GLIS3: variants seen among roughly 807,000 people sequenced by gnomAD.
The protein encoded by GLIS3 is GLIS family zinc finger 3, also known as zinc finger protein GLIS3.
GLIS3 carries 53 observed loss-of-function variants against 78.6 expected under a neutral mutation model. The observed-to-expected ratio is 0.67, with a 90% CI of 0.54 to 0.85. The LOEUF is 0.85. Ranked by LOEUF, GLIS3 falls within the 40% of genes least tolerant of loss-of-function variation. The probability of loss-of-function intolerance (pLI) is 0.00; values close to 1 mark genes in which losing one functional copy is unlikely to be tolerated. For synonymous variants in GLIS3, 684 were observed against 509.9 expected, an observed-to-expected ratio of 1.34 and a Z score of -4.60; for missense variants, 1,703 against 1,231.1, an observed-to-expected ratio of 1.38 and a Z score of -5.74.
chr9:4,135,605 T>C (rs1284557954), intron 2 of GLIS3, among the ~76,000 whole-genome samples: 3 of 152,186 alleles, frequency 2.0e-5, no homozygotes, highest in African/African-American at 7.2e-5. Context: ...AATATACATA[T>C]TCATTCTTAT....
chr9:3,878,108 G>C (rs181113810), intron 8 of GLIS3, among the ~76,000 whole-genome samples: 13 of 151,824 alleles, frequency 8.6e-5, no homozygotes, highest in African/African-American at 2.9e-4. Flanking sequence ...TGTTCTTCTT[G>C]CTGCCTGGGA....
At chr9:4,381,995 C>T in the GLIS3 span, among the ~76,000 whole-genome samples, 3 of 152,210 alleles carry the variant, frequency 2.0e-5, no homozygotes, top group Non-Finnish European at 4.4e-5. Context: ...TGCTCCTGGA[C>T]TTTGACAGCT....
chr9:4,014,218 G>A (rs1270443079), intron 4 of GLIS3, among the ~76,000 whole-genome samples: 1 of 152,090 alleles, frequency 6.6e-6, no homozygotes, highest in Non-Finnish European at 1.5e-5. Flanking sequence ...AGAGAATGGG[G>A]CCTTGAATAT....
intron 4 of GLIS3, among the ~76,000 whole-genome samples, chr9:4,049,164 G>C (rs779743350): frequency 6.6e-6 from 1 of 152,126 alleles, no homozygotes; most frequent in East Asian, 1.9e-4. Flanking sequence ...GCTGCACCTG[G>C]ATAGGAACTA....
chr9:4,209,163 C>A (rs1370570082), intron 2 of GLIS3, among the ~76,000 whole-genome samples: 1 of 152,162 alleles, frequency 6.6e-6, no homozygotes, highest in East Asian at 1.9e-4. Context: ...TGGAGACCCC[C>A]TGATCTAACC....
At chr9:4,351,540 A>G (rs552514324), upstream of GLIS3, among the ~76,000 whole-genome samples, 29 of 152,356 alleles carry the variant, frequency 1.9e-4, no homozygotes, top group African/African-American at 6.3e-4. Flanking sequence ...TTATTACTCA[A>G]TTTATCACAG....
At chr9:4,192,214 C>A (rs1818393259) in intron 2 of GLIS3, among the ~76,000 whole-genome samples, 1 of 152,150 alleles carries the variant, frequency 6.6e-6, no homozygotes, top group South Asian at 2.1e-4. Flanking sequence ...TAAGCCTTTA[C>A]CAGCATTCAG....
intron 4 of GLIS3, among the ~76,000 whole-genome samples, chr9:4,106,276 G>C (rs911195429): frequency 1.3e-5 from 2 of 152,130 alleles, no homozygotes; most frequent in African/African-American, 4.8e-5. Flanking sequence ...AAGCAGCTTT[G>C]TTTCTGTATA....
intron 2 of GLIS3, among the ~76,000 whole-genome samples, chr9:4,149,439 G>A (rs1394522037): frequency 6.6e-6 from 1 of 152,120 alleles, no homozygotes; most frequent in Non-Finnish European, 1.5e-5. Flanking sequence ...CCACATAACT[G>A]GACAAATACT....
At chr9:4,119,195 T>C (rs1831996284) in intron 3 of GLIS3, among the ~76,000 whole-genome samples, 1 of 152,158 alleles carries the variant, frequency 6.6e-6, no homozygotes, top group Non-Finnish European at 1.5e-5. Context: ...ACTTTTTCAA[T>C]ATGGGGGAAA....
chr9:3,833,484 C>T (rs1168108112), intron 9 of GLIS3, among the ~76,000 whole-genome samples: 3 of 152,134 alleles, frequency 2.0e-5, no homozygotes, highest in Non-Finnish European at 2.9e-5. Flanking sequence ...CACTACTTCT[C>T]GGACCCAAAG....
At chr9:4,345,140 A>T (rs1240167861) in intron 2 of GLIS3, among the ~76,000 whole-genome samples, 4 of 152,142 alleles carry the variant, frequency 2.6e-5, no homozygotes, top group African/African-American at 9.7e-5. Context: ...GAGTGCTTAC[A>T]AGATCCTACA....
intron 2 of GLIS3, among the ~76,000 whole-genome samples, chr9:4,237,804 G>A (rs1004332536): frequency 6.6e-6 from 1 of 152,108 alleles, no homozygotes; most frequent in Non-Finnish European, 1.5e-5. Context: ...CTCTCTTCCT[G>A]TTTTGGGACA....
At chr9:4,281,351 T>A (rs909673641) in intron 2 of GLIS3, among the ~76,000 whole-genome samples, 9 of 151,346 alleles carry the variant, frequency 5.9e-5, no homozygotes, top group African/African-American at 1.5e-4. Context: ...TACATTCACA[T>A]TATTGTGCAA....
chr9:3,903,039 T>C (rs983124402), intron 6 of GLIS3, among the ~76,000 whole-genome samples: 1 of 152,180 alleles, frequency 6.6e-6, no homozygotes, highest in African/African-American at 2.4e-5. Flanking sequence ...CAGGGATGAA[T>C]ATGTCATGTT....
intron 2 of GLIS3, among the ~76,000 whole-genome samples, chr9:4,215,887 T>C (rs368499495): frequency 6.6e-6 from 1 of 152,196 alleles, no homozygotes; most frequent in East Asian, 1.9e-4. Flanking sequence ...TTTTCAAAAA[T>C]GGTTCAAGCA....
the GLIS3 span, among the ~76,000 whole-genome samples, chr9:4,429,461 T>A: frequency 1.3e-5 from 2 of 152,170 alleles, no homozygotes; most frequent in African/African-American, 4.8e-5. Context: ...CCTCTTCAAC[T>A]GAACAATTTC....
chr9:3,864,189 G>C (rs1019486652), intron 8 of GLIS3, among the ~76,000 whole-genome samples: 15 of 152,292 alleles, frequency 9.8e-5, no homozygotes, highest in African/African-American at 3.4e-4. Context: ...GTTTCTCTGA[G>C]TGGGTCAGAG....
Position 4,266,590 on chromosome 9 carries a change from G to A in GLIS3, c.388+19448C>T, listed in dbSNP as rs550849071. Among the ~76,000 whole-genome samples, 748 of 96,312 alleles carry A rather than the reference G, an allele frequency of 7.8e-3. 4 individuals are homozygous for A. The highest frequency in any genetic ancestry group is 0.02 in the Admixed American group (154 of 7,780). 63.2% of individuals were successfully genotyped at this position (96,312 alleles called of 152,430 possible). A position where few individuals can be genotyped will look rare whatever the true frequency, so the allele number is the denominator to read the frequency against. The stretch of plus-strand genomic sequence containing the variant: ...AGGCCTACATTTTACACATGCATGC[G>A]CGTGTACACACACACACACACACAC... On this transcript the variant is annotated intron_variant, in intron 2 of 10. Coordinates refer to ENST00000381971, the MANE Select transcript of GLIS3 (RefSeq NM_001042413.2).
Sources: allele counts gnomAD v4.1 joint callset (sites outside exome capture counted in the v4.1 genomes callset), GRCh38; gene constraint gnomAD v4.1.1; transcripts MANE v1.5; gene names NCBI Gene and HGNC (gene_info 2026-07-23, HGNC 2026-07-21).